The following ESCO2 variants were observed in gnomAD, a reference collection of about 807,000 sequenced individuals.
ESCO2 encodes the protein N-acetyltransferase ESCO2.
ESCO2 carries 51 observed loss-of-function variants against 61.7 expected under a neutral mutation model. The observed-to-expected ratio is 0.83, with a 90% CI of 0.66 to 1.04. The LOEUF (loss-of-function observed/expected upper bound fraction) is 1.04. Ranked by LOEUF, ESCO2 falls within the 50% of genes least tolerant of loss-of-function variation. The pLI is 0.00. For synonymous variants in ESCO2, 230 were observed against 238.2 expected, an observed-to-expected ratio of 0.97 and a Z score of 0.32; for missense variants, 692 against 686.2, an observed-to-expected ratio of 1.01 and a Z score of -0.09.
At chr8:27,814,076 A>G (rs1312918339), downstream of ESCO2, among the ~76,000 whole-genome samples, 1 of 152,212 alleles carries the variant, frequency 6.6e-6, no homozygotes, top group Admixed American at 6.5e-5. Flanking sequence ...CCACAAAAAC[A>G]GACTGGGCAG....
downstream of ESCO2, chr8:27,811,306 T>G: frequency 1.6e-6 from 1 of 622,270 alleles, no homozygotes; most frequent in East Asian, 2.7e-5. Flanking sequence ...ACCTTTCAGG[T>G]TGGTAAATAT....
intron 10 of ESCO2, among the ~76,000 whole-genome samples, chr8:27,801,226 G>C (rs1223196845): frequency 6.6e-6 from 1 of 152,126 alleles, no homozygotes; most frequent in Non-Finnish European, 1.5e-5. Context: ...CCTAATCTAG[G>C]TTATATGGAT....
chr8:27,780,550 TTC>T (rs1446439448), intron 4 of ESCO2, among the ~76,000 whole-genome samples: 4 of 152,222 alleles, frequency 2.6e-5, no homozygotes, highest in Non-Finnish European at 5.9e-5. Flanking sequence ...GAGTTGAGTG[TTC>T]TCATTATAAA....
Position 27,780,201 on chromosome 8 carries a change from A to G in ESCO2, c.889A>G (p.Lys297Glu), listed in dbSNP as rs1048556668. ...TTCATCAGATGACAGAGTTTCTTCAAAGGAACATAAAGTTGATAAAAATGA... is the reference window on the plus strand; with the variant it reads ...TTCATCAGATGACAGAGTTTCTTCAGAGGAACATAAAGTTGATAAAAATGA... Reference protein sequence around the residue: ...KDSSDDRVSSKEHKVDKNEAF... With the variant: ...KDSSDDRVSSEEHKVDKNEAF... Residue 297 changes from lysine to glutamate, a missense_variant, in exon 4 of 11, where the codon AAG becomes GAG. Physicochemically the swap from Lys to Glu is moderately conservative, Grantham distance 56. Transcript: ENST00000305188. The G allele has an allele frequency of 6.2e-7, 1 of 1,611,572 alleles. No individual in the cohort carries two copies. Among genetic ancestry groups the G allele is most frequent in the Non-Finnish European group, 8.5e-7 (1 of 1,178,278 alleles).
At chr8:27,811,394 T>A (rs1429958212), downstream of ESCO2, 12 of 562,174 alleles carry the variant, frequency 2.1e-5, no homozygotes, top group Non-Finnish European at 3.2e-5. Flanking sequence ...AGAATGTGGA[T>A]GTTGAGATTA....
Position 27,792,053 on chromosome 8 carries a change from G to A in ESCO2, c.1353+1G>A, listed in dbSNP as rs959080745. 6 of 1,613,674 alleles carry A rather than the reference G, an allele frequency of 3.7e-6. No homozygotes were observed. The African/African-American group carries it at 6.7e-5, about 18-fold the overall frequency. ...TGATCCAAGCTTTGCTATCAAAAAG[G>A]TATGGAACATTATCTTTTTATCTCT... On this transcript the variant is annotated splice_donor_variant, in intron 8 of 10. Transcript: ENST00000305188. LOFTEE classifies it high-confidence loss of function.
At chr8:27,799,878 A>G (rs888069190) in intron 10 of ESCO2, among the ~76,000 whole-genome samples, 162 bp downstream of exon 10, 1 of 150,416 alleles carries the variant, frequency 6.6e-6, no homozygotes, top group African/African-American at 2.5e-5. Flanking sequence ...ACCATACTAG[A>G]TGTACTCAGT....
At chr8:27,798,649 T>A (rs1379106252) in intron 9 of ESCO2, among the ~76,000 whole-genome samples, 2 of 152,150 alleles carry the variant, frequency 1.3e-5, no homozygotes, top group African/African-American at 2.4e-5. Flanking sequence ...AGGTGAATGA[T>A]AAGCTATGAT....
Position 27,791,995 on chromosome 8 carries a change from T to A in ESCO2, c.1296T>A (p.Phe432Leu). ...GWKKERVVAE[F>L]WDGKIVLVLP... ...AGAAAGAACGTGTAGTAGCAGAGTT[T>A]TGGGATGGGAAAATCGTGTTGGTTC... The change falls in exon 8 of 11, where the codon TTT becomes TTA. Residue 432 changes from phenylalanine (F) to leucine (L), a missense_variant. Phe to Leu is a conservative substitution (Grantham distance 22). Transcript: ENST00000305188. 6.2e-7 allele frequency: 1 copy of A among 1,614,180 alleles called. No homozygotes were observed. The highest frequency in any genetic ancestry group is 8.5e-7 in the Non-Finnish European group (1 of 1,180,022).
intron 9 of ESCO2, among the ~76,000 whole-genome samples, chr8:27,794,366 G>C (rs548733398): frequency 2.4e-4 from 36 of 152,110 alleles, no homozygotes; most frequent in Admixed American, 5.2e-4. Context: ...TGTTGAATGA[G>C]CATTTTTTCA....
At chr8:27,796,052 A>G (rs1480681705) in intron 9 of ESCO2, among the ~76,000 whole-genome samples, 3 of 150,298 alleles carry the variant, frequency 2.0e-5, no homozygotes, top group African/African-American at 7.3e-5. Flanking sequence ...TTTAGCAGTG[A>G]TGTCATTACA....
downstream of ESCO2, among the ~76,000 whole-genome samples, chr8:27,813,778 A>T (rs752099741): frequency 4.6e-5 from 7 of 152,198 alleles, no homozygotes; most frequent in Non-Finnish European, 8.8e-5. Context: ...TGAATGTTAC[A>T]ACTTTTCCTT....
intron 7 of ESCO2, among the ~76,000 whole-genome samples, 164 bp downstream of exon 7, chr8:27,789,142 G>C (rs1166028024): frequency 6.6e-6 from 1 of 152,174 alleles, no homozygotes; most frequent in Admixed American, 6.5e-5. Context: ...ACTGCATTCT[G>C]AGCAGAGCTG....
downstream of ESCO2, among the ~76,000 whole-genome samples, chr8:27,816,226 G>A (rs1805807538): frequency 1.3e-5 from 2 of 151,608 alleles, no homozygotes; most frequent in African/African-American, 4.9e-5. Flanking sequence ...CTGCAACAGG[G>A]TAAGACTGTG....
chr8:27,792,226 C>T (rs1805193114), intron 8 of ESCO2, among the ~76,000 whole-genome samples, 174 bp downstream of exon 8: 1 of 152,110 alleles, frequency 6.6e-6, no homozygotes, highest in Non-Finnish European at 1.5e-5. Flanking sequence ...GTAAAGAAGG[C>T]AGATAAGGCT....
At chr8:27,773,896 T>C (rs1804715897), upstream of ESCO2, 1 of 152,242 alleles carries the variant, frequency 6.6e-6, no homozygotes, top group Non-Finnish European at 1.5e-5. Flanking sequence ...AATTTAGCTC[T>C]GTTCTGTAAA....
intron 3 of ESCO2, chr8:27,779,003 C>T (rs1033856696): frequency 6.6e-6 from 1 of 152,322 alleles, no homozygotes; most frequent in African/African-American, 2.4e-5. Flanking sequence ...GCAACCTCCG[C>T]CTCCCAGGTT....
chr8:27,814,290 C>A (rs1408238333), downstream of ESCO2, among the ~76,000 whole-genome samples: 2 of 151,986 alleles, frequency 1.3e-5, no homozygotes, highest in African/African-American at 4.8e-5. Flanking sequence ...AGAAATTGTC[C>A]TTTTCATCTA....
At chr8:27,775,702 T>C in intron 2 of ESCO2, 135 bp downstream of exon 2, 2 of 770,028 alleles carry the variant, frequency 2.6e-6, no homozygotes, top group South Asian at 3.0e-5. Context: ...TGATAACCTA[T>C]ATTCTAATTC....
Sources: gnomAD v4.1 joint callset for allele counts (sites outside exome capture counted in the v4.1 genomes callset) on GRCh38, gnomAD v4.1.1 for gene constraint, MANE v1.5 for transcripts, NCBI Gene and HGNC (gene_info 2026-07-23, HGNC 2026-07-21) for gene names.